ENTPD5: variants seen among roughly 807,000 people sequenced by gnomAD.
ENTPD5 encodes the protein ectonucleoside triphosphate diphosphohydrolase 5 (inactive), also known as nucleoside diphosphate phosphatase ENTPD5.
In ENTPD5, 49 loss-of-function variants were observed where a neutral mutation model predicts 60.2. That is an observed-to-expected ratio of 0.81 (90% confidence interval 0.65 to 1.03). ENTPD5 has a LOEUF of 1.03. Among genes scored for constraint, ENTPD5 ranks in the 50% least tolerant of loss-of-function variants. ENTPD5 has a pLI of 0.00. For synonymous variants in ENTPD5, 187 were observed against 185.4 expected (o/e 1.01, Z -0.07); for missense variants, 480 against 507.6 (o/e 0.95, Z 0.52).
downstream of ENTPD5, chr14:73,960,889 A>G: frequency 1.9e-6 from 1 of 515,900 alleles, no homozygotes; most frequent in East Asian, 3.8e-5. Flanking sequence ...GTGATGAGCT[A>G]TACTGTGGCT....
At chr14:74,007,877 C>G (rs1274701467) in intron 3 of ENTPD5, 5 of 145,790 alleles carry the variant, frequency 3.4e-5, no homozygotes, top group Admixed American at 1.4e-4. Flanking sequence ...GTCACTGAGG[C>G]TGGAGTGCAC....
At position 73,983,002 on chromosome 14, in the gene ENTPD5, C is replaced by T; in HGVS notation, c.441+16G>A. On this transcript the variant is annotated intron_variant, in intron 6 of 15. Coordinates refer to ENST00000334696, the MANE Select transcript of ENTPD5 (RefSeq NM_001249.5). ...GAAAAGGGCAGAATGATCCAAGATG[C>T]AGTTTTAAAACTTACCTCAAAGAGC... 2 of 1,609,056 alleles carry T rather than the reference C, an allele frequency of 1.2e-6. No homozygotes were observed. The highest frequency in any genetic ancestry group is 1.7e-5 in the Admixed American group (1 of 59,274).
intron 3 of ENTPD5, among the ~76,000 whole-genome samples, chr14:73,992,437 C>G (rs910801939): frequency 2.6e-5 from 4 of 152,040 alleles, no homozygotes. Context: ...ATAATCCCAG[C>G]ACTTTGGGAG....
At chr14:74,009,849 T>C (rs77987737) in intron 3 of ENTPD5, among the ~76,000 whole-genome samples, 19,523 of 151,944 alleles carry the variant, frequency 0.13, 1,913 homozygotes, top group East Asian at 0.57. Flanking sequence ...TGGAGTGCAG[T>C]GGCATGATCT....
chr14:74,010,780 G>A (rs902298486), intron 3 of ENTPD5, among the ~76,000 whole-genome samples: 7 of 152,092 alleles, frequency 4.6e-5, no homozygotes, highest in African/African-American at 7.2e-5. Context: ...CTGACATCAT[G>A]CTATATATTT....
intron 2 of ENTPD5, among the ~76,000 whole-genome samples, chr14:74,012,444 A>T (rs993059578): frequency 6.6e-6 from 1 of 152,182 alleles, no homozygotes; most frequent in Non-Finnish European, 1.5e-5. Flanking sequence ...TACTTAACAG[A>T]GTACAATCTG....
At chr14:74,011,205 G>T in intron 2 of ENTPD5, 55 bp from the exon 3 acceptor site, 1 of 385,264 alleles carries the variant, frequency 2.6e-6, no homozygotes, top group Non-Finnish European at 3.6e-6. Flanking sequence ...TTTCTCTGCT[G>T]TCAGTATGCC....
intron 5 of ENTPD5, among the ~76,000 whole-genome samples, chr14:73,986,069 C>CAAAAAAA (rs534512335): frequency 2.5e-5 from 2 of 79,282 alleles, no homozygotes; most frequent in Non-Finnish European, 5.4e-5. Context: ...GATACTCCGT[C>CAAAAAAA]AAAAAAAAAA....
At chr14:74,007,388 G>A (rs1312356065) in intron 3 of ENTPD5, among the ~76,000 whole-genome samples, 2 of 152,086 alleles carry the variant, frequency 1.3e-5, no homozygotes, top group East Asian at 1.9e-4. Context: ...GGGCATGCTG[G>A]CGCATGCCTG....
chr14:73,998,527 C>A (rs2058408534), intron 3 of ENTPD5, among the ~76,000 whole-genome samples: 1 of 151,904 alleles, frequency 6.6e-6, no homozygotes, highest in African/African-American at 2.4e-5. Flanking sequence ...GTACAGCACA[C>A]AAAGATAAAT....
At chr14:73,996,459 CT>C (rs1392191812) in intron 3 of ENTPD5, 1 of 151,362 alleles carries the variant, frequency 6.6e-6, no homozygotes, top group African/African-American at 2.4e-5. Context: ...CCTTCCATCC[CT>C]GACACAGAAT....
At chr14:73,961,385 T>C (rs556316781), downstream of ENTPD5, 7 of 1,614,166 alleles carry the variant, frequency 4.3e-6, no homozygotes, top group African/African-American at 2.7e-5. Flanking sequence ...GGTAAGACGA[T>C]AACAGAGCAG....
chr14:73,999,984 G>A (rs1179679493), intron 3 of ENTPD5, among the ~76,000 whole-genome samples: 1 of 148,324 alleles, frequency 6.7e-6, no homozygotes, highest in Non-Finnish European at 1.5e-5. Flanking sequence ...GCTATTCAGG[G>A]GTCTGAGGCA....
intron 3 of ENTPD5, among the ~76,000 whole-genome samples, chr14:74,004,112 AAATT>A (rs1230300711): frequency 2.0e-4 from 30 of 152,324 alleles, no homozygotes; most frequent in Middle Eastern, 3.4e-3. Flanking sequence ...CTCAAAAAAT[AAATT>A]AATTAAGTAA....
chr14:73,959,538 C>T (rs770065034), downstream of ENTPD5: 7 of 1,613,860 alleles, frequency 4.3e-6, no homozygotes, highest in Non-Finnish European at 5.9e-6. Flanking sequence ...TATCAATTTA[C>T]CCAGCTGATG....
chr14:74,000,419 CA>C (rs1334365495), intron 3 of ENTPD5, among the ~76,000 whole-genome samples: 3 of 151,056 alleles, frequency 2.0e-5, no homozygotes, highest in Admixed American at 6.6e-5. Flanking sequence ...GAGATCGCAC[CA>C]CTGTACTCCA....
At chr14:73,993,921 C>CA (rs144253560) in intron 3 of ENTPD5, among the ~76,000 whole-genome samples, 987 of 93,318 alleles carry the variant, frequency 0.011, 27 homozygotes, top group East Asian at 0.049. Context: ...CACGAAAAAA[C>CA]AAACAAAAAA....
chr14:73,958,878 CA>C (rs1211615439), downstream of ENTPD5: 99 of 1,565,570 alleles, frequency 6.3e-5, no homozygotes, highest in Middle Eastern at 4.6e-4. Flanking sequence ...ACACAACAAT[CA>C]GAGCTGGAGG....
chr14:73,991,625 A>AG (rs778577729), intron 3 of ENTPD5, among the ~76,000 whole-genome samples: 11 of 127,966 alleles, frequency 8.6e-5, no homozygotes, highest in African/African-American at 1.9e-4. Context: ...AAAAAAAAAA[A>AG]ACAATTAGGG....
Sources: gnomAD v4.1 joint callset for allele counts (sites outside exome capture counted in the v4.1 genomes callset) on GRCh38, gnomAD v4.1.1 for gene constraint, MANE v1.5 for transcripts, NCBI Gene and HGNC (gene_info 2026-07-23, HGNC 2026-07-21) for gene names.